The following MACO1 variants were observed in gnomAD, a reference collection of about 807,000 sequenced individuals.
The protein encoded by MACO1 is macoilin 1.
In MACO1, 14 loss-of-function variants were observed where a neutral mutation model predicts 78.7. The ratio of observed to expected loss-of-function variants is 0.18; its 90% CI spans 0.12 to 0.28. The LOEUF (loss-of-function observed/expected upper bound fraction) is 0.28. MACO1 is among the 10% of genes least tolerant of loss of function. The probability of loss-of-function intolerance (pLI) is 1.00; values close to 1 mark genes in which losing one functional copy is unlikely to be tolerated. For synonymous variants in MACO1, 288 were observed against 291.6 expected (o/e 0.99, Z 0.12); for missense variants, 501 against 799.0 (o/e 0.63, Z 4.50).
chr1:25,462,715 C>G (rs998026519), intron 6 of MACO1, among the ~76,000 whole-genome samples: 8 of 84,550 alleles, frequency 9.5e-5, no homozygotes, highest in Admixed American at 6.6e-4. Context: ...CATTACTGCT[C>G]CACCAGTTTC....
chr1:25,499,125 G>A lies in MACO1; in HGVS notation c.*659G>A, dbSNP rs1411432285. On this transcript the variant is annotated 3_prime_UTR_variant, in exon 11 of 11. Coordinates refer to ENST00000374343, the MANE Select transcript of MACO1 (RefSeq NM_018202.6). Reference sequence around the variant, plus strand: ...ATTCCCATCGGTGTGTTTAGTCCTAGAAAATTGCTAGCAGCAGTCTTCTTC... The same window carrying A: ...ATTCCCATCGGTGTGTTTAGTCCTAAAAAATTGCTAGCAGCAGTCTTCTTC... The A allele has an allele frequency of 6.6e-6, 1 of 152,214 alleles. No homozygotes were observed. Among genetic ancestry groups the A allele is most frequent in the African/African-American group, 2.4e-5 (1 of 41,450 alleles). 9.4% of individuals were successfully genotyped at this position (152,214 alleles called of 1,614,324 possible).
At chr1:25,463,369 A>T (rs1035906667) in intron 6 of MACO1, among the ~76,000 whole-genome samples, 5 of 152,248 alleles carry the variant, frequency 3.3e-5, no homozygotes, top group African/African-American at 4.8e-5. Context: ...GGTGTTGCCT[A>T]TAGGGTCCTT....
intron 6 of MACO1, among the ~76,000 whole-genome samples, chr1:25,483,456 A>G (rs1307065543): frequency 6.6e-6 from 1 of 152,252 alleles, no homozygotes; most frequent in Non-Finnish European, 1.5e-5. Context: ...AGATGGAACA[A>G]GAGTAAGGAA....
chr1:25,450,855 G>GTTA (rs2043059002), intron 3 of MACO1, among the ~76,000 whole-genome samples: 1 of 152,150 alleles, frequency 6.6e-6, no homozygotes, highest in South Asian at 2.1e-4. Context: ...CAGCTTCTCT[G>GTTA]TTATATAAAG....
chr1:25,491,027 T>G (rs914109729), intron 9 of MACO1, among the ~76,000 whole-genome samples: 5 of 152,220 alleles, frequency 3.3e-5, no homozygotes, highest in African/African-American at 1.2e-4. Flanking sequence ...TCAAAATAAT[T>G]AACATTTTTA....
chr1:25,454,410 GTGTGTGTATA>G (rs1232503116), intron 4 of MACO1, 28 bp downstream of exon 4: 2 of 1,527,352 alleles, frequency 1.3e-6, no homozygotes, highest in Middle Eastern at 3.5e-4. Context: ...GTATGTGTGT[GTGTGTGTATA>G]TGTGTGTATG....
intron 7 of MACO1, among the ~76,000 whole-genome samples, chr1:25,484,641 T>G (rs1259626332): frequency 6.6e-6 from 1 of 152,246 alleles, no homozygotes; most frequent in East Asian, 1.9e-4. Flanking sequence ...ATATTTACTT[T>G]TATTTCCAGA....
At chr1:25,480,929 A>AATATAT (rs202050214) in intron 6 of MACO1, among the ~76,000 whole-genome samples, 74 of 47,736 alleles carry the variant, frequency 1.6e-3, no homozygotes, top group Admixed American at 2.2e-3. Context: ...AAAAAAAAAA[A>AATATAT]ATATATATAT....
chr1:25,492,450 G>A (rs950787259), intron 10 of MACO1, among the ~76,000 whole-genome samples: 1 of 152,160 alleles, frequency 6.6e-6, no homozygotes, highest in Non-Finnish European at 1.5e-5. Context: ...GAGAGCAGGA[G>A]TGAGCCGTGT....
intron 1 of MACO1, among the ~76,000 whole-genome samples, chr1:25,436,092 C>G (rs2042917117): frequency 6.6e-6 from 1 of 152,122 alleles, no homozygotes; most frequent in African/African-American, 2.4e-5. Flanking sequence ...CACATCGATT[C>G]CTCATGGCCT....
chr1:25,492,506 A>G (rs2043495893), intron 10 of MACO1, among the ~76,000 whole-genome samples: 1 of 151,914 alleles, frequency 6.6e-6, no homozygotes, highest in Non-Finnish European at 1.5e-5. Context: ...AGCAAGTGAA[A>G]AGCCCGGCAG....
intron 10 of MACO1, among the ~76,000 whole-genome samples, chr1:25,494,862 G>A (rs1462774302): frequency 6.6e-6 from 1 of 152,240 alleles, no homozygotes; most frequent in Admixed American, 6.5e-5. Context: ...TCCTCAGTCA[G>A]TGGGAACTTT....
intron 6 of MACO1, among the ~76,000 whole-genome samples, chr1:25,480,927 AAAATAT>A (rs1422091437): frequency 1.3e-4 from 4 of 29,910 alleles, no homozygotes; most frequent in Non-Finnish European, 2.8e-4. Context: ...AAAAAAAAAA[AAAATAT>A]ATATATATAT....
intron 8 of MACO1, among the ~76,000 whole-genome samples, chr1:25,486,491 C>T (rs1476475404): frequency 1.3e-5 from 2 of 152,072 alleles, no homozygotes; most frequent in Admixed American, 6.5e-5. Flanking sequence ...CTAGTGAAGT[C>T]CCTCTGCATG....
chr1:25,458,607 A>G lies in MACO1; in HGVS notation c.869A>G (p.Glu290Gly). 6.2e-7 allele frequency: 1 copy of G among 1,613,792 alleles called. No individual in the cohort carries two copies. The highest frequency in any genetic ancestry group is 8.5e-7 in the Non-Finnish European group (1 of 1,179,832). ...DSKIQEIEYMENHINSKRLNN... is the reference protein window; with the variant it reads ...DSKIQEIEYMGNHINSKRLNN... ...AAAATACAAGAGATTGAGTATATGG[A>G]AAACCATATCAATAGTAAAAGATTA... Residue 290 changes from glutamate to glycine, a missense_variant, in exon 6 of 11, where the codon GAA (glutamate) becomes GGA (glycine). By Grantham distance (98) the Glu-to-Gly change is moderately conservative. Around this residue, in one of 5 missense-constraint regions of MACO1, gnomAD observed 90 missense variants for 85.7 expected, o/e 1.05. Transcript: ENST00000374343.
rs114597698 is a variant in MACO1 at position 25,440,490 on chromosome 1, T to C, written c.81-6272T>C. Among the ~76,000 whole-genome samples the C allele has an allele frequency of 9.2e-3, 1,395 of 151,778 alleles. 20 individuals are homozygous for C. The highest frequency in any genetic ancestry group is 0.031 in the African/African-American group (1,277 of 41,472). ...TCACTTAAAAGTACCAATAAATTGC[T>C]GAGCACAGTGGCTCACGCCTGTAAT... is the stretch of plus-strand genomic sequence containing the variant. On this transcript the variant is annotated intron_variant, in intron 1 of 10. Coordinates refer to ENST00000374343, the MANE Select transcript of MACO1 (RefSeq NM_018202.6).
At chr1:25,452,700 T>A (rs1488939110) in intron 3 of MACO1, among the ~76,000 whole-genome samples, 1 of 118,988 alleles carries the variant, frequency 8.4e-6, no homozygotes, top group African/African-American at 7.1e-5. Context: ...GGTGAATTGT[T>A]TTTTTTTTTT....
intron 1 of MACO1, among the ~76,000 whole-genome samples, chr1:25,441,451 C>T (rs2042972034): frequency 6.6e-6 from 1 of 152,172 alleles, no homozygotes; most frequent in African/African-American, 2.4e-5. Context: ...TCCCAAAGTG[C>T]TGGGATTATA....
intron 6 of MACO1, among the ~76,000 whole-genome samples, chr1:25,468,621 A>G (rs896993092): frequency 1.3e-5 from 2 of 152,180 alleles, no homozygotes; most frequent in Non-Finnish European, 2.9e-5. Flanking sequence ...TCATTTGGTT[A>G]TTTTAGGCAC....
Sources: gnomAD v4.1 joint callset for allele counts (sites outside exome capture counted in the v4.1 genomes callset) on GRCh38, gnomAD v4.1.1 for gene constraint, gnomAD v4.1.1 regional missense constraint, MANE v1.5 for transcripts, NCBI Gene and HGNC (gene_info 2026-07-23, HGNC 2026-07-21) for gene names.